DLG1: variants seen among roughly 807,000 people sequenced by gnomAD.
The protein encoded by DLG1 is disks large homolog 1.
Under a neutral mutation model 123.4 loss-of-function variants are expected in DLG1, and 42 were observed. That is an observed-to-expected ratio of 0.34 (90% CI 0.27 to 0.44). The LOEUF (loss-of-function observed/expected upper bound fraction) is 0.44. Ranked by LOEUF, DLG1 falls within the 20% of genes least tolerant of loss-of-function variation. DLG1 has a pLI of 1.00. For synonymous variants in DLG1, 317 were observed against 356.2 expected, an observed-to-expected ratio of 0.89 and a Z score of 1.24; for missense variants, 942 against 1,082.6, an observed-to-expected ratio of 0.87 and a Z score of 1.82.
intron 4 of DLG1, among the ~76,000 whole-genome samples, chr3:197,258,492 C>T (rs1320549256): frequency 6.6e-6 from 1 of 152,148 alleles, no homozygotes; most frequent in Non-Finnish European, 1.5e-5. Context: ...CATGCCTGTA[C>T]TTAAGGGTAT....
intron 3 of DLG1, among the ~76,000 whole-genome samples, chr3:197,291,291 C>T (rs1358085920): frequency 7.9e-6 from 1 of 126,242 alleles, no homozygotes; most frequent in Admixed American, 8.6e-5. Flanking sequence ...CAAATCTAGC[C>T]TACAAAGTTA....
At chr3:197,122,304 A>G (rs1776849405) in intron 11 of DLG1, among the ~76,000 whole-genome samples, 1 of 152,104 alleles carries the variant, frequency 6.6e-6, no homozygotes, top group South Asian at 2.1e-4. Context: ...AATAAAGATT[A>G]ACTTTCTTAA....
intron 5 of DLG1, among the ~76,000 whole-genome samples, chr3:197,192,130 C>T (rs1247539898): frequency 1.3e-5 from 2 of 151,506 alleles, no homozygotes; most frequent in African/African-American, 4.9e-5. Flanking sequence ...GCTATGACTG[C>T]CAATGCACTC....
At chr3:197,058,173 T>C (rs1174114206) in intron 23 of DLG1, among the ~76,000 whole-genome samples, 1 of 151,990 alleles carries the variant, frequency 6.6e-6, no homozygotes, top group Non-Finnish European at 1.5e-5. Context: ...AGAGACAGAG[T>C]CTCACCATGT....
intron 14 of DLG1, among the ~76,000 whole-genome samples, chr3:197,099,396 T>G (rs1762291381): frequency 6.6e-6 from 1 of 152,176 alleles, no homozygotes; most frequent in Non-Finnish European, 1.5e-5. Context: ...TTTTTTCAGT[T>G]AAGTCATTTA....
At chr3:197,063,610 A>G (rs1198408338) in intron 22 of DLG1, among the ~76,000 whole-genome samples, 2 of 152,230 alleles carry the variant, frequency 1.3e-5, no homozygotes, top group Non-Finnish European at 2.9e-5. Context: ...AATTAATTCA[A>G]TCACTTTTAT....
intron 3 of DLG1, among the ~76,000 whole-genome samples, chr3:197,286,642 G>A (rs978123476): frequency 3.9e-5 from 6 of 152,310 alleles, no homozygotes; most frequent in Admixed American, 3.9e-4. Flanking sequence ...ATTTGTCAAT[G>A]TACAATGCAA....
intron 13 of DLG1, among the ~76,000 whole-genome samples, chr3:197,111,990 G>A (rs1163644433): frequency 6.6e-6 from 1 of 152,134 alleles, no homozygotes; most frequent in Non-Finnish European, 1.5e-5. Flanking sequence ...GTTGATGTAT[G>A]CTTTCATTTG....
At chr3:197,053,637 T>A (rs574472554) in intron 23 of DLG1, among the ~76,000 whole-genome samples, 1 of 151,812 alleles carries the variant, frequency 6.6e-6, no homozygotes. Flanking sequence ...CAGGGCACAG[T>A]GGTGAGTCCC....
chr3:197,136,967 T>G (rs1394840070), intron 9 of DLG1, among the ~76,000 whole-genome samples: 1 of 152,252 alleles, frequency 6.6e-6, no homozygotes, highest in African/African-American at 2.4e-5. Flanking sequence ...TGTTTTACTT[T>G]TGTTTCCATC....
intron 4 of DLG1, among the ~76,000 whole-genome samples, chr3:197,237,913 A>C (rs1002214829): frequency 6.6e-6 from 1 of 152,198 alleles, no homozygotes; most frequent in Non-Finnish European, 1.5e-5. Context: ...GATTTTATGA[A>C]GTTTTAGTAC....
At chr3:197,161,484 T>C (rs1798736023) in intron 5 of DLG1, among the ~76,000 whole-genome samples, 1 of 152,156 alleles carries the variant, frequency 6.6e-6, no homozygotes, top group Admixed American at 6.5e-5. Context: ...CCACTTATAT[T>C]AAATCCCAAA....
intron 14 of DLG1, among the ~76,000 whole-genome samples, chr3:197,098,608 C>T (rs1321162064): frequency 6.6e-6 from 1 of 152,206 alleles, no homozygotes; most frequent in Non-Finnish European, 1.5e-5. Flanking sequence ...AATTCCGGCT[C>T]ATCGCAGCTT....
chr3:197,251,297 A>G (rs1444456648), intron 4 of DLG1, among the ~76,000 whole-genome samples: 2 of 152,138 alleles, frequency 1.3e-5, no homozygotes, highest in Non-Finnish European at 1.5e-5. Flanking sequence ...AAAAAGAAAT[A>G]GAAAAAAAAC....
At chr3:197,102,438 G>C (rs768046931) in intron 14 of DLG1, among the ~76,000 whole-genome samples, 3 of 152,230 alleles carry the variant, frequency 2.0e-5, no homozygotes, top group African/African-American at 4.8e-5. Flanking sequence ...GATTATCAGA[G>C]TGTCGGATGA....
chr3:197,240,956 A>G (rs1748537837), intron 4 of DLG1, among the ~76,000 whole-genome samples: 1 of 152,162 alleles, frequency 6.6e-6, no homozygotes, highest in Non-Finnish European at 1.5e-5. Flanking sequence ...GTGTTCAAAG[A>G]AAGTTGAGCA....
chr3:197,166,002 G>A (rs978512135), intron 5 of DLG1, among the ~76,000 whole-genome samples: 1 of 152,238 alleles, frequency 6.6e-6, no homozygotes, highest in Non-Finnish European at 1.5e-5. Context: ...GGTGAGGAAA[G>A]CATCTGTAGG....
intron 4 of DLG1, among the ~76,000 whole-genome samples, chr3:197,218,922 G>A (rs1015552278): frequency 5.9e-5 from 9 of 152,042 alleles, no homozygotes; most frequent in African/African-American, 2.2e-4. Context: ...ACCTGAGGTC[G>A]GGAATTCAAG....
intron 15 of DLG1, among the ~76,000 whole-genome samples, chr3:197,089,994 A>C (rs557377163): frequency 6.6e-6 from 1 of 152,304 alleles, no homozygotes; most frequent in African/African-American, 2.4e-5. Flanking sequence ...GATTATGTGA[A>C]GACAGTAAGT....
Sources: gnomAD v4.1 joint callset for allele counts (sites outside exome capture counted in the v4.1 genomes callset) on GRCh38, gnomAD v4.1.1 for gene constraint, MANE v1.5 for transcripts, NCBI Gene and HGNC (gene_info 2026-07-23, HGNC 2026-07-21) for gene names.